Variants in TNNI3K observed in about 807,000 individuals in gnomAD.
TNNI3K encodes the protein serine/threonine-protein kinase TNNI3K.
Under a neutral mutation model 114.5 loss-of-function variants are expected in TNNI3K, and 140 were observed. That is an observed-to-expected ratio of 1.22 (90% CI 1.07 to 1.41). TNNI3K has a LOEUF of 1.41. Among genes scored for constraint, TNNI3K ranks in the 40% most tolerant of loss-of-function variants. The pLI is 0.00. For synonymous variants in TNNI3K, 347 were observed against 347.5 expected (o/e 1.00, Z 0.02); for missense variants, 1,125 against 1,007.6 (o/e 1.12, Z -1.58).
chr1:74,397,201 C>T (rs201981012), intron 17 of TNNI3K, among the ~76,000 whole-genome samples: 3 of 150,942 alleles, frequency 2.0e-5, no homozygotes, highest in African/African-American at 7.3e-5. Flanking sequence ...AACATGATGA[C>T]AGAGAGAGAG....
At chr1:74,408,772 T>C (rs1468368865) in intron 17 of TNNI3K, among the ~76,000 whole-genome samples, 1 of 152,196 alleles carries the variant, frequency 6.6e-6, no homozygotes, top group African/African-American at 2.4e-5. Flanking sequence ...TGCAACATGG[T>C]AATGTATTGT....
intron 5 of TNNI3K, among the ~76,000 whole-genome samples, chr1:74,324,120 A>C (rs1162476117): frequency 6.6e-6 from 1 of 152,258 alleles, no homozygotes; most frequent in Non-Finnish European, 1.5e-5. Context: ...ACAGGGCTTC[A>C]AGATAAAGCT....
chr1:74,480,471 T>C, intron 21 of TNNI3K: 1 of 717,496 alleles, frequency 1.4e-6, no homozygotes, highest in East Asian at 2.7e-5. Flanking sequence ...ACATCCGGCA[T>C]GTGGGCTAAC....
chr1:74,468,448 A>G (rs1667769932), intron 21 of TNNI3K: 2 of 152,166 alleles, frequency 1.3e-5, no homozygotes, highest in Non-Finnish European at 2.9e-5. Context: ...TAGGTGGCAT[A>G]GCAGTTAAGC....
chr1:74,509,162 A>G (rs1164456814), intron 23 of TNNI3K, among the ~76,000 whole-genome samples: 1 of 152,164 alleles, frequency 6.6e-6, no homozygotes, highest in East Asian at 1.9e-4. Flanking sequence ...CTTTACCCAT[A>G]AATTTCTCAC....
intron 5 of TNNI3K, among the ~76,000 whole-genome samples, chr1:74,298,429 G>A (rs1658121499): frequency 6.6e-6 from 1 of 152,026 alleles, no homozygotes; most frequent in Admixed American, 6.5e-5. Context: ...GTGTATGTCC[G>A]ATTTAAGTAT....
chr1:74,445,778 C>T (rs1415359940), intron 20 of TNNI3K, among the ~76,000 whole-genome samples: 1 of 151,508 alleles, frequency 6.6e-6, no homozygotes, highest in Non-Finnish European at 1.5e-5. Flanking sequence ...GCCTGGCTAA[C>T]TTTTTGTATT....
intron 23 of TNNI3K, among the ~76,000 whole-genome samples, chr1:74,509,317 A>G (rs1161981342): frequency 6.6e-6 from 1 of 152,218 alleles, no homozygotes; most frequent in African/African-American, 2.4e-5. Flanking sequence ...AGAAATCAGG[A>G]AAATGACATT....
rs1032147585 is a variant in TNNI3K at position 74,296,108 on chromosome 1, C to T, written c.444+24400C>T. ...GGCTAACACTGTTGAAACCCCGGCA[C>T]TACTAAAAATACAAAAAATTAGCCG... On this transcript the variant is annotated intron_variant, in intron 5 of 24. Coordinates refer to ENST00000326637, the MANE Select transcript of TNNI3K (RefSeq NM_015978.3). Among the ~76,000 whole-genome samples the T allele has an allele frequency of 4.6e-5, 7 of 151,782 alleles. No individual in the cohort carries two copies. In the South Asian group the frequency reaches 1.2e-3, roughly 27 times the overall value.
intron 17 of TNNI3K, chr1:74,372,664 C>T (rs1662676134): frequency 1.3e-5 from 2 of 151,764 alleles, no homozygotes; most frequent in East Asian, 3.9e-4. Flanking sequence ...CCATCCCAAA[C>T]ATTTTTGCAC....
intron 21 of TNNI3K, among the ~76,000 whole-genome samples, chr1:74,485,314 G>T (rs577986327): frequency 1.2e-4 from 19 of 152,314 alleles, no homozygotes; most frequent in Admixed American, 3.9e-4. Context: ...TAAGAACAAT[G>T]CCCTGCATGG....
chr1:74,461,943 A>G (rs968150039), intron 20 of TNNI3K, among the ~76,000 whole-genome samples: 1 of 152,258 alleles, frequency 6.6e-6, no homozygotes, highest in Non-Finnish European at 1.5e-5. Flanking sequence ...ATATGTTAAC[A>G]TAAAGTGTTA....
At chr1:74,350,491 G>T (rs1400474874) in intron 9 of TNNI3K, among the ~76,000 whole-genome samples, 1 of 152,142 alleles carries the variant, frequency 6.6e-6, no homozygotes, top group African/African-American at 2.4e-5. Flanking sequence ...GGTCCACTTG[G>T]TGCAGAGCTG....
chr1:74,291,009 AAGAG>A (rs977694584), intron 5 of TNNI3K, among the ~76,000 whole-genome samples: 2 of 151,704 alleles, frequency 1.3e-5, no homozygotes, highest in African/African-American at 4.8e-5. Flanking sequence ...CACACACATA[AAGAG>A]AGAGAAAGAG....
Position 74,436,473 on chromosome 1 carries a change from G to A in TNNI3K, c.1826-1G>A, listed in dbSNP as rs746867393. On this transcript the variant is annotated splice_acceptor_variant, in intron 18 of 24. Coordinates refer to ENST00000326637, the MANE Select transcript of TNNI3K (RefSeq NM_015978.3). LOFTEE classifies it high-confidence loss of function. Reference sequence around the variant, plus strand: ...CGTGATTTATTTTCTCTTTCCCTCAGAATCAAGATTTCTACAGTCTCTGGA... The same window carrying A: ...CGTGATTTATTTTCTCTTTCCCTCAAAATCAAGATTTCTACAGTCTCTGGA... 14 of 1,575,934 alleles carry A rather than the reference G, an allele frequency of 8.9e-6. No homozygotes were observed. In the Admixed American group the frequency reaches 2.9e-4, roughly 33 times the overall value.
intron 21 of TNNI3K, among the ~76,000 whole-genome samples, chr1:74,473,068 TC>T (rs1668015337): frequency 6.6e-6 from 1 of 152,150 alleles, no homozygotes; most frequent in African/African-American, 2.4e-5. Flanking sequence ...AATGTCTGCC[TC>T]TAATCTCCTT....
intron 17 of TNNI3K, among the ~76,000 whole-genome samples, chr1:74,403,868 G>A (rs1029960133): frequency 6.6e-6 from 1 of 152,152 alleles, no homozygotes; most frequent in African/African-American, 2.4e-5. Context: ...AGAGAGCTGA[G>A]TATTTGTTTT....
intron 17 of TNNI3K, among the ~76,000 whole-genome samples, chr1:74,404,643 G>A (rs1343575988): frequency 1.3e-5 from 2 of 152,306 alleles, no homozygotes; most frequent in Admixed American, 6.5e-5. Flanking sequence ...TGAGACTAAT[G>A]CTGCTGATTT....
intron 16 of TNNI3K, 69 bp from the exon 17 acceptor site, chr1:74,370,219 C>A: frequency 7.4e-7 from 1 of 1,350,124 alleles, no homozygotes; most frequent in South Asian, 1.5e-5. Flanking sequence ...ACAACTCTTA[C>A]ACATCATTTG....
Sources: gnomAD v4.1 joint callset for allele counts (sites outside exome capture counted in the v4.1 genomes callset) on GRCh38, gnomAD v4.1.1 for gene constraint, MANE v1.5 for transcripts, NCBI Gene and HGNC (gene_info 2026-07-23, HGNC 2026-07-21) for gene names.